Variants in LRIT3 observed in about 807,000 individuals in gnomAD.
LRIT3 encodes the protein leucine rich repeat, Ig-like and transmembrane domains 3.
In LRIT3, 14 loss-of-function variants were observed where a neutral mutation model predicts 22.6. The observed-to-expected ratio is 0.62, with a 90% confidence interval of 0.41 to 0.97. LRIT3 has a LOEUF of 0.97. LRIT3 is among the 50% of genes least tolerant of loss of function. The pLI is 0.00. For synonymous variants in LRIT3, 306 were observed against 304.5 expected (o/e 1.01, Z -0.05); for missense variants, 783 against 803.0 (o/e 0.98, Z 0.30).
Position 109,867,937 on chromosome 4 carries a change from A to AGATCTGT in LRIT3, c.886_887insGATCTGT (p.Asn296ArgfsTer36). 1.2e-6 allele frequency: 2 copies of AGATCTGT among 1,608,906 alleles called. No individual in the cohort carries two copies. Among genetic ancestry groups the AGATCTGT allele is most frequent in the African/African-American group, 2.7e-5 (2 of 74,814 alleles). On this transcript the variant is annotated frameshift_variant, in exon 3 of 4. Transcript: ENST00000594814. LOFTEE classifies it low-confidence loss of function (END_TRUNC). The stretch of plus-strand genomic sequence containing the variant: ...GACCAGATCTGACAGCTCGCCAGTT[A>AGATCTGT]ATTATACAGGTATTTTCTTAATTCA...
At position 109,870,418 on chromosome 4, in the gene LRIT3, A is replaced by G. The variant is rs1734803489; in HGVS notation, c.1669A>G (p.Lys557Glu). The change falls in exon 4 of 4, where the codon AAA (lysine) becomes GAA (glutamate). Residue 557 changes from lysine to glutamate, a missense_variant. Lys to Glu is a moderately conservative substitution (Grantham distance 56). This residue lies in a region of LRIT3 where 756 missense variants were observed against 753.8 expected (regional missense o/e 1.00). Transcript: ENST00000594814. ...GCAATACATGGCCTGTGTCTGTCCA[A>G]AAGGAGTGCCTCCCCAGAAAGACCA... ...GGQYMACVCP[K>E]GVPPQKDQCI... 1 of 1,614,190 alleles carries G rather than the reference A, an allele frequency of 6.2e-7. No individual in the cohort carries two copies. Among genetic ancestry groups the G allele is most frequent in the African/African-American group, 1.3e-5 (1 of 75,052 alleles).
chr4:109,853,435 G>A (rs1203221039), intron 2 of LRIT3, among the ~76,000 whole-genome samples: 1 of 151,910 alleles, frequency 6.6e-6, no homozygotes. Flanking sequence ...GGAGTTGTTT[G>A]TTTTTCTTTT....
chr4:109,852,405 G>C (rs932708201), intron 2 of LRIT3, among the ~76,000 whole-genome samples: 9 of 152,158 alleles, frequency 5.9e-5, no homozygotes, highest in Admixed American at 5.9e-4. Flanking sequence ...ATCTTTATGC[G>C]ATAGCAGTGG....
rs897876289 is a variant in LRIT3, at chr4:109,848,332, T to A, written c.116+15T>A. The A allele has an allele frequency of 8.4e-7, 1 of 1,196,782 alleles. No individual in the cohort carries two copies. Among genetic ancestry groups the A allele is most frequent in the Non-Finnish European group, 1.0e-6 (1 of 955,918 alleles). 74.1% of individuals were successfully genotyped at this position (1,196,782 alleles called of 1,614,324 possible). ...TCAGGATCAAGGTATGCTCCTCTGCTTGTTACTAAGTGTTCTCATTATTTT... is the reference window on the plus strand; with the variant it reads ...TCAGGATCAAGGTATGCTCCTCTGCATGTTACTAAGTGTTCTCATTATTTT... On this transcript the variant is annotated intron_variant, in intron 1 of 3. Coordinates refer to ENST00000594814, the MANE Select transcript of LRIT3 (RefSeq NM_198506.5).
chr4:109,848,148 G>A lies in LRIT3; in HGVS notation c.-54G>A. The A allele has an allele frequency of 8.3e-6, 8 of 967,238 alleles. No individual in the cohort carries two copies. Among genetic ancestry groups the A allele is most frequent in the Non-Finnish European group, 1.1e-5 (8 of 746,334 alleles). 59.9% of individuals were successfully genotyped at this position (967,238 alleles called of 1,614,324 possible). On this transcript the variant is annotated 5_prime_UTR_variant, in exon 1 of 4. Coordinates refer to ENST00000594814, the MANE Select transcript of LRIT3 (RefSeq NM_198506.5). Reference sequence around the variant, plus strand: ...TTGTATTCCAGGCATACCAGGTTCTGAATGCTTAGGATTCGGTTTTTACCT... The same window carrying A: ...TTGTATTCCAGGCATACCAGGTTCTAAATGCTTAGGATTCGGTTTTTACCT...
At chr4:109,864,587 T>G (rs1489225265) in intron 2 of LRIT3, among the ~76,000 whole-genome samples, 1 of 152,246 alleles carries the variant, frequency 6.6e-6, no homozygotes. Flanking sequence ...CTGATTAATT[T>G]GTTAAACTGT....
In LRIT3 at chr4:109,854,017, C is replaced by T. The variant is rs562993424; in HGVS notation, c.589+2041C>T. On this transcript the variant is annotated intron_variant, in intron 2 of 3. Coordinates refer to ENST00000594814, the MANE Select transcript of LRIT3 (RefSeq NM_198506.5). ...TGTAGTATATTTTGAAGTCAGGTAG[C>T]GTGATGCCTCCAGCTTTGTTTTTTG... Among the ~76,000 whole-genome samples, 14 of 119,666 alleles carry T rather than the reference C, an allele frequency of 1.2e-4. 1 individual carries two copies. In the South Asian group the frequency reaches 3.1e-3, roughly 26 times the overall value. The allele number at this position is 119,666 out of a possible 152,430, so 78.5% of individuals were successfully genotyped here.
chr4:109,869,648 T>C lies in LRIT3; in HGVS notation c.899T>C (p.Ile300Thr). 1 of 1,536,002 alleles carries C rather than the reference T, an allele frequency of 6.5e-7. No individual in the cohort carries two copies. Among genetic ancestry groups the C allele is most frequent in the Non-Finnish European group, 8.7e-7 (1 of 1,144,180 alleles). ...SDSSPVNYTVIQESPEEGVRW... is the reference protein window; with the variant it reads ...SDSSPVNYTVTQESPEEGVRW... ...CTATACATTTGTTTTCTTCCAGTAATACAAGAATCTCCAGAGGAAGGAGTC... is the reference window on the plus strand; with the variant it reads ...CTATACATTTGTTTTCTTCCAGTAACACAAGAATCTCCAGAGGAAGGAGTC... The change falls in exon 4 of 4, where the codon ATA (isoleucine) becomes ACA (threonine). Residue 300 changes from isoleucine (I) to threonine (T), a missense_variant. Coordinates refer to ENST00000594814, the MANE Select transcript of LRIT3 (RefSeq NM_198506.5).
Position 109,865,258 on chromosome 4 carries a change from C to G in LRIT3, c.590-2383C>G, listed in dbSNP as rs139682096. On this transcript the variant is annotated intron_variant, in intron 2 of 3. Coordinates refer to ENST00000594814, the MANE Select transcript of LRIT3 (RefSeq NM_198506.5). The stretch of plus-strand genomic sequence containing the variant: ...CTAATGGTTGAGCCTCATCAGGAAC[C>G]CAGGCACAGTAAAGTTGGTGAGAAT... The G allele has an allele frequency of 5.3e-4, 835 of 1,579,884 alleles. 5 individuals are homozygous for G. The African/African-American group carries it at 7.9e-3, about 15-fold the overall frequency.
chr4:109,866,673 G>T (rs1442645386), intron 2 of LRIT3, among the ~76,000 whole-genome samples: 1 of 152,028 alleles, frequency 6.6e-6, no homozygotes, highest in Non-Finnish European at 1.5e-5. Flanking sequence ...GATTTTCCAT[G>T]TGGACCACAG....
At chr4:109,850,414 C>CTTTCTTTCTCTTTCTTTCTTTCTTTCTTT (rs1560588921) in intron 1 of LRIT3, among the ~76,000 whole-genome samples, 2 of 11,764 alleles carry the variant, frequency 1.7e-4, no homozygotes, top group Non-Finnish European at 3.4e-4. Flanking sequence ...TTCCTTCCTT[C>CTTTCTTTCTCTTTCTTTCTTTCTTTCTTT]CTTCCTTCCT....
rs1560588965 is a variant in LRIT3 at position 109,850,419 on chromosome 4, CTTCCTTTCTTTCT to C, written c.117-1081_117-1069del. ...CCTTCCTTCCTTCCTTCCTTCCTTC[CTTCCTTTCTTTCT>C]TTCTTTCTTTCTTTCTTTCTTTCTT... On this transcript the variant is annotated intron_variant, in intron 1 of 3. Transcript: ENST00000594814. Among the ~76,000 whole-genome samples the C allele has an allele frequency of 5.2e-3, 87 of 16,698 alleles. 2 individuals carry two copies. Among genetic ancestry groups the C allele is most frequent in the African/African-American group, 9.4e-3 (39 of 4,152 alleles). 11.0% of individuals were successfully genotyped at this position (16,698 alleles called of 152,430 possible).
chr4:109,871,408 CAA>C lies in LRIT3; in HGVS notation c.*621_*622del, dbSNP rs1242437273. ...ATAGGTATTAGCAAAAGTAAGTATACAAAGAGGATTATGACAAATAGACCATT... is the reference window on the plus strand; with the variant it reads ...ATAGGTATTAGCAAAAGTAAGTATACAGAGGATTATGACAAATAGACCATT... On this transcript the variant is annotated 3_prime_UTR_variant, in exon 4 of 4. Transcript: ENST00000594814. 6.6e-6 allele frequency: 1 copy of C among 152,010 alleles called. No individual in the cohort carries two copies. The highest frequency in any genetic ancestry group is 1.5e-5 in the Non-Finnish European group (1 of 67,982). The allele number at this position is 152,010 out of a possible 1,614,324, so 9.4% of individuals were successfully genotyped here. A position where few individuals can be genotyped will look rare whatever the true frequency, so the allele number is the denominator to read the frequency against.
intron 2 of LRIT3, among the ~76,000 whole-genome samples, chr4:109,853,901 T>A (rs1185640480): frequency 6.6e-6 from 1 of 152,174 alleles, no homozygotes; most frequent in Admixed American, 6.5e-5. Context: ...GTTGTAAATG[T>A]GTGGTGTTAT....
Position 109,870,129 on chromosome 4 carries a change from G to A in LRIT3, c.1380G>A (p.Lys460=). 1 of 1,614,190 alleles carries A rather than the reference G, an allele frequency of 6.2e-7. No homozygotes were observed. The highest frequency in any genetic ancestry group is 8.5e-7 in the Non-Finnish European group (1 of 1,180,022). Residue 460 remains lysine, a synonymous_variant, in exon 4 of 4, where the codon AAG becomes AAA. Transcript: ENST00000594814. ...RNLKVAKNGS[K]LPPASTSKKE... ...TAAAGGTGGCAAAGAATGGAAGTAA[G>A]CTTCCTCCAGCCAGCACAAGTAAGA... is the stretch of plus-strand genomic sequence containing the variant.
intron 2 of LRIT3, among the ~76,000 whole-genome samples, chr4:109,855,099 G>GT (rs1322209002): frequency 1.1e-4 from 17 of 151,920 alleles, no homozygotes. Context: ...ATGAATTCCT[G>GT]TTTTTCTTTT....
At chr4:109,850,459 C>CTTTCTT (rs1734215912) in intron 1 of LRIT3, among the ~76,000 whole-genome samples, 1 of 121,124 alleles carries the variant, frequency 8.3e-6, no homozygotes, top group African/African-American at 3.3e-5. Flanking sequence ...TTCTTTCTTT[C>CTTTCTT]TTTCTTTCTT....
chr4:109,850,375 C>CTTCT (rs1734187211), intron 1 of LRIT3, among the ~76,000 whole-genome samples: 2 of 522 alleles, frequency 3.8e-3, no homozygotes, highest in Non-Finnish European at 9.7e-3. Flanking sequence ...TCCTTCCTTC[C>CTTCT]TTCCTTCCTT....
At chr4:109,859,506 TACAA>T (rs1734484071) in intron 2 of LRIT3, among the ~76,000 whole-genome samples, 1 of 152,176 alleles carries the variant, frequency 6.6e-6, no homozygotes, top group South Asian at 2.1e-4. Context: ...AAAAGCTGGT[TACAA>T]ACAATCCATA....
Sources: allele counts gnomAD v4.1 joint callset (sites outside exome capture counted in the v4.1 genomes callset), GRCh38; gene constraint gnomAD v4.1.1; regional missense constraint gnomAD v4.1.1; transcripts MANE v1.5; gene names NCBI Gene and HGNC (gene_info 2026-07-23, HGNC 2026-07-21).